The following GPC6 variants were observed in gnomAD, a reference collection of about 807,000 sequenced individuals.
The protein encoded by GPC6 is glypican 6, also known as glypican-6.
GPC6 carries 14 observed loss-of-function variants against 55.2 expected under a neutral mutation model. The ratio of observed to expected loss-of-function variants is 0.25; its 90% CI spans 0.17 to 0.40. GPC6 has a LOEUF of 0.40. Ranked by LOEUF, GPC6 falls within the 10% of genes least tolerant of loss-of-function variation. The pLI, the probability that GPC6 is intolerant of heterozygous loss-of-function variation, is 1.00. For missense variants in GPC6, 641 were observed against 708.5 expected (o/e 0.90, Z 1.08); for synonymous variants, 278 against 259.6 (o/e 1.07, Z -0.68).
At chr13:93,929,227 A>G (rs1184014003) in intron 3 of GPC6, among the ~76,000 whole-genome samples, 1 of 152,204 alleles carries the variant, frequency 6.6e-6, no homozygotes, top group African/African-American at 2.4e-5. Context: ...CTTGAACTTC[A>G]GGAGATTTAT....
intron 1 of GPC6, among the ~76,000 whole-genome samples, chr13:93,504,698 A>T (rs902893259): frequency 1.3e-5 from 2 of 152,024 alleles, no homozygotes; most frequent in African/African-American, 4.8e-5. Flanking sequence ...ATTCTTAAAA[A>T]GAAAAATAAC....
At chr13:93,880,974 A>C (rs927963437) in intron 3 of GPC6, among the ~76,000 whole-genome samples, 2 of 152,064 alleles carry the variant, frequency 1.3e-5, no homozygotes, top group African/African-American at 2.4e-5. Flanking sequence ...CAACAGTATA[A>C]AAATCCACGG....
chr13:93,237,234 T>TA (rs904895640), intron 1 of GPC6, among the ~76,000 whole-genome samples: 1 of 152,186 alleles, frequency 6.6e-6, no homozygotes, highest in Non-Finnish European at 1.5e-5. Context: ...CAACATCTAT[T>TA]GTTTTTTGAT....
At chr13:93,441,018 A>G (rs1877776825) in intron 1 of GPC6, among the ~76,000 whole-genome samples, 2 of 152,212 alleles carry the variant, frequency 1.3e-5, no homozygotes, top group South Asian at 2.1e-4. Context: ...TACAAAGGAC[A>G]TGAACTCATC....
At chr13:94,128,732 G>A (rs751472329) in intron 4 of GPC6, among the ~76,000 whole-genome samples, 2 of 152,112 alleles carry the variant, frequency 1.3e-5, no homozygotes, top group Non-Finnish European at 2.9e-5. Context: ...GAAGAGAACT[G>A]GAAAGATCTG....
At chr13:93,608,352 T>C (rs1336030907) in intron 2 of GPC6, among the ~76,000 whole-genome samples, 3 of 152,358 alleles carry the variant, frequency 2.0e-5, no homozygotes, top group South Asian at 2.1e-4. Context: ...GTATTTCTTA[T>C]TCTAAAGAGC....
chr13:94,002,947 A>T (rs1362671484), intron 3 of GPC6, among the ~76,000 whole-genome samples: 1 of 152,202 alleles, frequency 6.6e-6, no homozygotes, highest in African/African-American at 2.4e-5. Flanking sequence ...TTCTATGGAC[A>T]TTTGATAGGA....
chr13:93,638,079 C>T (rs1879769969), intron 2 of GPC6, among the ~76,000 whole-genome samples: 1 of 152,076 alleles, frequency 6.6e-6, no homozygotes. Context: ...AACATGTAAC[C>T]TTCATGCACA....
chr13:93,548,843 G>T (rs949605977), intron 2 of GPC6, among the ~76,000 whole-genome samples: 3 of 152,010 alleles, frequency 2.0e-5, no homozygotes, highest in Non-Finnish European at 4.4e-5. Context: ...TTTTCTCATA[G>T]CTGTATATCT....
intron 1 of GPC6, among the ~76,000 whole-genome samples, chr13:93,508,391 G>C (rs1472289982): frequency 2.0e-5 from 3 of 152,150 alleles, no homozygotes; most frequent in African/African-American, 4.8e-5. Context: ...CCTGAGGTGG[G>C]ACTACACCCA....
intron 3 of GPC6, among the ~76,000 whole-genome samples, chr13:93,994,482 C>A (rs1186732061): frequency 6.6e-6 from 1 of 152,160 alleles, no homozygotes; most frequent in Admixed American, 6.6e-5. Context: ...ATTCCCATTT[C>A]TTTTCCCAAA....
chr13:93,305,297 C>T (rs77586922), intron 1 of GPC6, among the ~76,000 whole-genome samples: 1,561 of 151,276 alleles, frequency 0.01, 29 homozygotes, highest in African/African-American at 0.036. Flanking sequence ...TAAAACTTCT[C>T]TAGTGATTAT....
At chr13:93,954,002 T>C (rs1025443879) in intron 3 of GPC6, among the ~76,000 whole-genome samples, 4 of 152,154 alleles carry the variant, frequency 2.6e-5, no homozygotes, top group Admixed American at 2.6e-4. Flanking sequence ...TATTGTCTAA[T>C]TCCAGAACAT....
chr13:94,186,543 A>G (rs1331539009), intron 4 of GPC6, among the ~76,000 whole-genome samples: 2 of 152,140 alleles, frequency 1.3e-5, no homozygotes, highest in Non-Finnish European at 2.9e-5. Flanking sequence ...GGTCACCGCA[A>G]CAGATTCTTT....
At chr13:94,175,025 T>C (rs562975295) in intron 4 of GPC6, among the ~76,000 whole-genome samples, 3 of 152,256 alleles carry the variant, frequency 2.0e-5, no homozygotes, top group Non-Finnish European at 4.4e-5. Context: ...CTCCCAAATA[T>C]CACCACTCTT....
chr13:94,135,434 T>C (rs1407708231), intron 4 of GPC6, among the ~76,000 whole-genome samples: 1 of 152,238 alleles, frequency 6.6e-6, no homozygotes, highest in Non-Finnish European at 1.5e-5. Flanking sequence ...GCTTGTGTTA[T>C]CTTAATTTTT....
At chr13:94,243,677 C>T (rs1248139569) in intron 4 of GPC6, among the ~76,000 whole-genome samples, 3 of 152,120 alleles carry the variant, frequency 2.0e-5, no homozygotes, top group Non-Finnish European at 4.4e-5. Flanking sequence ...AAAATCAAAG[C>T]AGGCAGAAGA....
At chr13:93,345,673 T>C (rs1367917071) in intron 1 of GPC6, among the ~76,000 whole-genome samples, 1 of 152,200 alleles carries the variant, frequency 6.6e-6, no homozygotes, top group African/African-American at 2.4e-5. Flanking sequence ...GAATGCATAA[T>C]GCATGCAATA....
At chr13:93,450,065 C>T (rs557530102) in intron 1 of GPC6, among the ~76,000 whole-genome samples, 3 of 152,196 alleles carry the variant, frequency 2.0e-5, no homozygotes, top group South Asian at 2.1e-4. Context: ...CGATTACAGG[C>T]GTGAGCCACC....
Sources: allele counts gnomAD v4.1 joint callset (sites outside exome capture counted in the v4.1 genomes callset), GRCh38; gene constraint gnomAD v4.1.1; transcripts MANE v1.5; gene names NCBI Gene and HGNC (gene_info 2026-07-23, HGNC 2026-07-21).